Variants in SYT1 observed in about 807,000 individuals in gnomAD.
SYT1 encodes the protein synaptotagmin-1.
Under a neutral mutation model 44.8 loss-of-function variants are expected in SYT1, and 8 were observed. The observed-to-expected ratio is 0.18, with a 90% CI of 0.10 to 0.32. The LOEUF is 0.32. SYT1 is among the 10% of genes least tolerant of loss of function. The pLI is 1.00. For missense variants in SYT1, 286 were observed against 509.3 expected (o/e 0.56, Z 4.22); for synonymous variants, 154 against 188.8 (o/e 0.82, Z 1.51).
intron 1 of SYT1, among the ~76,000 whole-genome samples, chr12:78,931,238 A>AGAAAGGAAGGAAG (rs1877667216): frequency 9.7e-5 from 4 of 41,130 alleles, no homozygotes; most frequent in South Asian, 1.3e-3. Flanking sequence ...AAAGAAAGAA[A>AGAAAGGAAGGAAG]GAAGGAAGGA....
intron 3 of SYT1, among the ~76,000 whole-genome samples, chr12:79,153,375 T>C (rs1211791130): frequency 6.6e-6 from 1 of 152,150 alleles, no homozygotes; most frequent in Admixed American, 6.6e-5. Context: ...GAAGAGCCAT[T>C]GAACATGTTA....
At chr12:78,975,002 G>C (rs909465907) in intron 1 of SYT1, among the ~76,000 whole-genome samples, 4 of 152,074 alleles carry the variant, frequency 2.6e-5, no homozygotes, top group East Asian at 1.9e-4. Flanking sequence ...TCAAGCCATA[G>C]TAACTTTTTA....
intron 1 of SYT1, among the ~76,000 whole-genome samples, chr12:78,912,636 T>G (rs1435580462): frequency 6.6e-6 from 1 of 152,040 alleles, no homozygotes; most frequent in East Asian, 1.9e-4. Flanking sequence ...CATGCAAAGG[T>G]AAAGGCAGTG....
At chr12:78,876,489 ACTACT>A (rs1447932939) in intron 1 of SYT1, among the ~76,000 whole-genome samples, 1 of 125,898 alleles carries the variant, frequency 7.9e-6, no homozygotes, top group Non-Finnish European at 1.6e-5. Flanking sequence ...TTTTTGCCAA[ACTACT>A]CTGCTCCATC....
intron 1 of SYT1, among the ~76,000 whole-genome samples, chr12:78,967,671 A>G (rs1868280241): frequency 6.6e-6 from 1 of 152,160 alleles, no homozygotes; most frequent in Admixed American, 6.6e-5. Flanking sequence ...ATCTATGAGC[A>G]GATAGCCATC....
intron 9 of SYT1, among the ~76,000 whole-genome samples, chr12:79,386,521 C>G (rs370310154): frequency 6.6e-6 from 1 of 152,058 alleles, no homozygotes; most frequent in African/African-American, 2.4e-5. Context: ...CCCCCACAGA[C>G]CCTGGTGTGT....
At chr12:79,141,369 C>T (rs1445291997) in intron 3 of SYT1, among the ~76,000 whole-genome samples, 3 of 151,890 alleles carry the variant, frequency 2.0e-5, no homozygotes, top group Non-Finnish European at 4.4e-5. Context: ...ACAAATAATG[C>T]GTATTTGTAT....
At chr12:79,424,218 G>A (rs944131754) in intron 9 of SYT1, among the ~76,000 whole-genome samples, 1 of 151,998 alleles carries the variant, frequency 6.6e-6, no homozygotes. Context: ...TGCCTTGAAA[G>A]CTGGTTACCG....
chr12:79,324,613 A>C (rs1462188114), intron 8 of SYT1, among the ~76,000 whole-genome samples: 1 of 152,228 alleles, frequency 6.6e-6, no homozygotes, highest in East Asian at 1.9e-4. Context: ...ATGAGAAAAT[A>C]GGGAGGTCAA....
chr12:79,338,980 A>C, intron 8 of SYT1, among the ~76,000 whole-genome samples: 1 of 152,058 alleles, frequency 6.6e-6, no homozygotes, highest in East Asian at 1.9e-4. Flanking sequence ...CATCCATGTC[A>C]CTACAAACAA....
At chr12:78,912,625 G>A (rs1228223604) in intron 1 of SYT1, among the ~76,000 whole-genome samples, 5 of 151,908 alleles carry the variant, frequency 3.3e-5, no homozygotes, top group Admixed American at 2.0e-4. Flanking sequence ...ATCAACAGGG[G>A]CATGCAAAGG....
At chr12:79,005,949 AG>A (rs1871048296) in intron 2 of SYT1, among the ~76,000 whole-genome samples, 1 of 152,130 alleles carries the variant, frequency 6.6e-6, no homozygotes. Context: ...CCATTTGGAT[AG>A]GCGCTCTGTT....
intron 2 of SYT1, among the ~76,000 whole-genome samples, chr12:78,984,562 T>G (rs1228944656): frequency 6.6e-6 from 1 of 152,084 alleles, no homozygotes; most frequent in East Asian, 1.9e-4. Context: ...AAACCTAATG[T>G]GTCTATTTAC....
At chr12:78,978,591 C>T (rs1869016134) in intron 2 of SYT1, among the ~76,000 whole-genome samples, 1 of 152,122 alleles carries the variant, frequency 6.6e-6, no homozygotes, top group African/African-American at 2.4e-5. Flanking sequence ...CAAATTACTC[C>T]TTTGGTCTAA....
chr12:79,326,625 C>A (rs1222027050), intron 8 of SYT1, among the ~76,000 whole-genome samples: 7 of 152,204 alleles, frequency 4.6e-5, no homozygotes, highest in African/African-American at 1.7e-4. Context: ...AGACCATCTT[C>A]CTGCTAATCA....
At chr12:79,387,806 G>T (rs754345199) in intron 9 of SYT1, among the ~76,000 whole-genome samples, 25 of 152,054 alleles carry the variant, frequency 1.6e-4, no homozygotes, top group Non-Finnish European at 4.4e-5. Context: ...TGTTTATAAC[G>T]CCAGGCAACA....
At chr12:78,970,496 A>G (rs1868348111) in intron 1 of SYT1, among the ~76,000 whole-genome samples, 1 of 152,194 alleles carries the variant, frequency 6.6e-6, no homozygotes, top group African/African-American at 2.4e-5. Context: ...AGGTGCACCT[A>G]TGTTTCAGCA....
chr12:78,979,078 T>A (rs946303751), intron 2 of SYT1, among the ~76,000 whole-genome samples: 1 of 152,300 alleles, frequency 6.6e-6, no homozygotes, highest in South Asian at 2.1e-4. Context: ...TTTCAAATTA[T>A]CATTATTTCT....
chr12:78,877,700 G>T (rs905321583), intron 1 of SYT1, among the ~76,000 whole-genome samples: 1 of 151,492 alleles, frequency 6.6e-6, no homozygotes, highest in African/African-American at 2.4e-5. Context: ...ACAGATTCTG[G>T]CTCTGTCATT....
Sources: gnomAD v4.1 joint callset for allele counts (sites outside exome capture counted in the v4.1 genomes callset) on GRCh38, gnomAD v4.1.1 for gene constraint, MANE v1.5 for transcripts, NCBI Gene and HGNC (gene_info 2026-07-23, HGNC 2026-07-21) for gene names.